Variants in PCSK2 observed in about 807,000 individuals in gnomAD.
PCSK2 encodes the protein proprotein convertase subtilisin/kexin type 2.
PCSK2 carries 14 observed loss-of-function variants against 69.7 expected under a neutral mutation model. The observed-to-expected ratio is 0.20, with a 90% CI of 0.13 to 0.31. The LOEUF is 0.31. Ranked by LOEUF, PCSK2 falls within the 10% of genes least tolerant of loss-of-function variation. PCSK2 has a pLI of 1.00. For synonymous variants in PCSK2, 307 were observed against 320.7 expected (o/e 0.96, Z 0.46); for missense variants, 544 against 842.5 (o/e 0.65, Z 4.39).
At chr20:17,478,920 T>A (rs1436458697) in intron 11 of PCSK2, among the ~76,000 whole-genome samples, 5 of 152,254 alleles carry the variant, frequency 3.3e-5, no homozygotes, top group Non-Finnish European at 7.3e-5. Context: ...TATGAGATAA[T>A]CTGCCAATTG....
intron 5 of PCSK2, among the ~76,000 whole-genome samples, chr20:17,388,778 A>G (rs1446425595): frequency 6.6e-6 from 1 of 152,146 alleles, no homozygotes; most frequent in African/African-American, 2.4e-5. Flanking sequence ...GAAAGCATGC[A>G]GCGTTGATCT....
chr20:17,360,901 C>T (rs918950139), intron 4 of PCSK2, among the ~76,000 whole-genome samples: 7 of 152,294 alleles, frequency 4.6e-5, no homozygotes, highest in Middle Eastern at 3.4e-3. Flanking sequence ...GCCTATCACT[C>T]AACCATAATT....
At chr20:17,300,017 C>T (rs1989024340) in intron 2 of PCSK2, among the ~76,000 whole-genome samples, 1 of 152,198 alleles carries the variant, frequency 6.6e-6, no homozygotes, top group African/African-American at 2.4e-5. Context: ...CCCCCTTGCT[C>T]ACAGTTGAGA....
rs1568585951 is a variant in PCSK2, at chr20:17,287,464, T to TGTGTGTGTGTG, written c.282+27120_282+27121insGTGTGTGTGTG. ...GTGTGTGTGTGTGTGTGTGTGTGTGTTAAAATGGGGAGGAAATAAGAGAAT... is the reference window on the plus strand; with the variant it reads ...GTGTGTGTGTGTGTGTGTGTGTGTGTGTGTGTGTGTGTAAAATGGGGAGGAAATAAGAGAAT... On this transcript the variant is annotated intron_variant, in intron 2 of 11. Coordinates refer to ENST00000262545, the MANE Select transcript of PCSK2 (RefSeq NM_002594.5). Among the ~76,000 whole-genome samples, 10 of 144,954 alleles carry TGTGTGTGTGTG rather than the reference T, an allele frequency of 6.9e-5. No homozygotes were observed. The East Asian group carries it at 8.0e-4, about 12-fold the overall frequency.
intron 1 of PCSK2, among the ~76,000 whole-genome samples, chr20:17,235,303 G>A (rs968050633): frequency 2.0e-5 from 3 of 152,070 alleles, no homozygotes; most frequent in Non-Finnish European, 2.9e-5. Context: ...ACAGCGTATT[G>A]GCAGTTTCTC....
At chr20:17,436,503 A>G (rs1405518713) in intron 7 of PCSK2, among the ~76,000 whole-genome samples, 1 of 152,216 alleles carries the variant, frequency 6.6e-6, no homozygotes, top group African/African-American at 2.4e-5. Flanking sequence ...AAATCATTAC[A>G]TCAGCAAAGA....
intron 6 of PCSK2, among the ~76,000 whole-genome samples, chr20:17,421,434 C>T (rs953772305): frequency 6.6e-6 from 1 of 152,144 alleles, no homozygotes; most frequent in African/African-American, 2.4e-5. Flanking sequence ...CTGTAGAGCT[C>T]ATTGGACATT....
Position 17,482,256 on chromosome 20 carries a change from C to A in PCSK2, c.*186C>A, listed in dbSNP as rs1355305760. 1 of 491,420 alleles carries A rather than the reference C, an allele frequency of 2.0e-6. No homozygotes were observed. Among genetic ancestry groups the A allele is most frequent in the Non-Finnish European group, 3.5e-6 (1 of 287,274 alleles). 30.4% of individuals were successfully genotyped at this position (491,420 alleles called of 1,614,324 possible). On this transcript the variant is annotated 3_prime_UTR_variant, in exon 12 of 12. Transcript: ENST00000262545. ...TGGAAACAATCTTTTTTACTCTATG[C>A]CCCAAATATAGCGTTCCCAACAACA...
intron 5 of PCSK2, 86 bp downstream of exon 5, chr20:17,369,363 C>T: frequency 2.0e-6 from 2 of 1,006,346 alleles, no homozygotes; most frequent in South Asian, 1.3e-5. Flanking sequence ...CACATGTCTA[C>T]ATGTCTATAC....
At chr20:17,288,135 C>T (rs1461696289) in intron 2 of PCSK2, among the ~76,000 whole-genome samples, 1 of 152,196 alleles carries the variant, frequency 6.6e-6, no homozygotes, top group Non-Finnish European at 1.5e-5. Flanking sequence ...CTTCACCAGG[C>T]CCTTCCAGGA....
chr20:17,470,764 A>C (rs1245949168), intron 11 of PCSK2, among the ~76,000 whole-genome samples: 2 of 152,200 alleles, frequency 1.3e-5, no homozygotes, highest in African/African-American at 2.4e-5. Context: ...CCATTCCACA[A>C]GGCCCTGGGG....
At chr20:17,467,374 T>A (rs919574092) in intron 11 of PCSK2, among the ~76,000 whole-genome samples, 2 of 152,158 alleles carry the variant, frequency 1.3e-5, no homozygotes, top group African/African-American at 2.4e-5. Context: ...AGAAAATAAA[T>A]TCATGCTGAA....
At chr20:17,356,959 C>T (rs1391989505) in intron 2 of PCSK2, among the ~76,000 whole-genome samples, 2 of 152,086 alleles carry the variant, frequency 1.3e-5, no homozygotes, top group African/African-American at 2.4e-5. Flanking sequence ...CAACACAGAA[C>T]CTGATGGATT....
At chr20:17,298,548 A>G (rs1428929143) in intron 2 of PCSK2, among the ~76,000 whole-genome samples, 1 of 152,236 alleles carries the variant, frequency 6.6e-6, no homozygotes, top group Non-Finnish European at 1.5e-5. Context: ...GGAAAATTCC[A>G]TTTTAGAGGT....
chr20:17,340,395 T>C (rs1167148823), intron 2 of PCSK2, among the ~76,000 whole-genome samples: 1 of 152,256 alleles, frequency 6.6e-6, no homozygotes, highest in Non-Finnish European at 1.5e-5. Flanking sequence ...GTAAAACTGC[T>C]AAAATTCACC....
Position 17,471,742 on chromosome 20 carries a change from G to T in PCSK2, c.1430+6189G>T, listed in dbSNP as rs149271053. ...TAGGTCTAGGGCAAATACACTTGTT[G>T]AAGAATGCAGAGGCTCCACAGGGAG... On this transcript the variant is annotated intron_variant, in intron 11 of 11. Transcript: ENST00000262545. Among the ~76,000 whole-genome samples, 847 of 152,352 alleles carry T rather than the reference G, an allele frequency of 5.6e-3. 14 individuals carry two copies. The highest frequency in any genetic ancestry group is 0.02 in the African/African-American group (811 of 41,580).
chr20:17,430,092 C>T (rs1203338960), intron 7 of PCSK2, among the ~76,000 whole-genome samples: 2 of 152,100 alleles, frequency 1.3e-5, no homozygotes, highest in Non-Finnish European at 2.9e-5. Flanking sequence ...AGAAATTCTG[C>T]CTAGAACCTT....
rs140411975 is a variant in PCSK2 at position 17,340,610 on chromosome 20, C to T, written c.283-17717C>T. Among the ~76,000 whole-genome samples, 148 of 152,060 alleles carry T rather than the reference C, an allele frequency of 9.7e-4. 2 individuals are homozygous for T. In the East Asian group the frequency reaches 0.018, roughly 19 times the overall value. On this transcript the variant is annotated intron_variant, in intron 2 of 11. Coordinates refer to ENST00000262545, the MANE Select transcript of PCSK2 (RefSeq NM_002594.5). Reference sequence around the variant, plus strand: ...GCTTATCTTGTGTTTTTTTCCTCTCCGTCTTACGGATTTGGGCTCCTATTT... The same window carrying T: ...GCTTATCTTGTGTTTTTTTCCTCTCTGTCTTACGGATTTGGGCTCCTATTT...
At chr20:17,424,279 A>G (rs534248429) in intron 6 of PCSK2, among the ~76,000 whole-genome samples, 1 of 152,364 alleles carries the variant, frequency 6.6e-6, no homozygotes, top group East Asian at 1.9e-4. Flanking sequence ...CCAATTTTAC[A>G]TAGATCATAC....
Sources: allele counts gnomAD v4.1 joint callset (sites outside exome capture counted in the v4.1 genomes callset), GRCh38; gene constraint gnomAD v4.1.1; transcripts MANE v1.5; gene names NCBI Gene and HGNC (gene_info 2026-07-23, HGNC 2026-07-21).